KIF15: variants seen among roughly 807,000 people sequenced by gnomAD.
KIF15 encodes the protein kinesin family member 15, also known as kinesin-like protein KIF15.
KIF15 carries 140 observed loss-of-function variants against 190.6 expected under a neutral mutation model. The observed-to-expected ratio is 0.73, with a 90% CI of 0.64 to 0.84. The LOEUF is 0.84. Among genes scored for constraint, KIF15 ranks in the 40% least tolerant of loss-of-function variants. KIF15 has a pLI of 0.00. For synonymous variants in KIF15, 528 were observed against 551.3 expected, an observed-to-expected ratio of 0.96 and a Z score of 0.59; for missense variants, 1,372 against 1,584.4, an observed-to-expected ratio of 0.87 and a Z score of 2.28.
At chr3:44,864,047 C>A in intron 6 of KIF15, 1 of 816,162 alleles carries the variant, frequency 1.2e-6, no homozygotes, top group Non-Finnish European at 1.9e-6. Flanking sequence ...AAGTGAAGCC[C>A]TGTGCAGGAA....
At chr3:44,804,976 C>T in intron 14 of KIF15, 51 bp from the exon 15 acceptor site, 2 of 1,557,312 alleles carry the variant, frequency 1.3e-6, no homozygotes, top group Non-Finnish European at 1.7e-6. Context: ...ATAGTGAGGC[C>T]CTGTCTCAGA....
chr3:44,796,604 T>A (rs961508836), intron 8 of KIF15, among the ~76,000 whole-genome samples: 1 of 152,206 alleles, frequency 6.6e-6, no homozygotes, highest in African/African-American at 2.4e-5. Context: ...CAGCAGTGAC[T>A]CTGAATTCAG....
At chr3:44,800,474 C>A in intron 11 of KIF15, 37 bp downstream of exon 11, 1 of 1,596,308 alleles carries the variant, frequency 6.3e-7, no homozygotes, top group East Asian at 2.2e-5. Context: ...TTGGGGAAGA[C>A]TGTACAAATA....
intron 11 of KIF15, among the ~76,000 whole-genome samples, chr3:44,801,115 C>G (rs564191807): frequency 6.6e-6 from 1 of 150,898 alleles, no homozygotes; most frequent in Non-Finnish European, 1.5e-5. Flanking sequence ...TCAAGCGATT[C>G]TCCTGCCTCA....
At chr3:44,771,034 C>G (rs542547542) in intron 1 of KIF15, among the ~76,000 whole-genome samples, 2 of 152,150 alleles carry the variant, frequency 1.3e-5, no homozygotes, top group Admixed American at 6.5e-5. Context: ...TCTCAATCTC[C>G]AAAGTTATCA....
chr3:44,861,839 G>T, intron 6 of KIF15: 4 of 1,378,656 alleles, frequency 2.9e-6, no homozygotes, highest in Non-Finnish European at 3.9e-6. Flanking sequence ...TCACAGGAGC[G>T]TCGCGTCACG....
chr3:44,794,809 A>G (rs923956829), intron 8 of KIF15, among the ~76,000 whole-genome samples: 4 of 152,052 alleles, frequency 2.6e-5, no homozygotes, highest in Non-Finnish European at 4.4e-5. Flanking sequence ...AAAAAATACA[A>G]AAGTCAGCTG....
chr3:44,789,138 TTC>T (rs2125920286), intron 7 of KIF15, among the ~76,000 whole-genome samples: 1 of 152,328 alleles, frequency 6.6e-6, no homozygotes, highest in African/African-American at 2.4e-5. Context: ...TATCATGCTG[TTC>T]TTTTTCCAAC....
chr3:44,794,307 A>T lies in KIF15; in HGVS notation c.730A>T (p.Ile244Leu). The change falls in exon 8 of 35, where the codon ATA (isoleucine) becomes TTA (leucine). Residue 244 changes from isoleucine (I) to leucine (L), a missense_variant. Coordinates refer to ENST00000326047, the MANE Select transcript of KIF15 (RefSeq NM_020242.3). ...GTCTCATGCCGTCTTTACAATTACAATAGAGTCAATGGAGAAAAGTAATGA... is the reference window on the plus strand; with the variant it reads ...GTCTCATGCCGTCTTTACAATTACATTAGAGTCAATGGAGAAAAGTAATGA... ...SRSHAVFTIT[I>L]ESMEKSNEIV... The T allele has an allele frequency of 6.2e-7, 1 of 1,614,054 alleles. No individual in the cohort carries two copies. The highest frequency in any genetic ancestry group is 8.5e-7 in the Non-Finnish European group (1 of 1,179,928).
rs1346041496 is a variant in KIF15 at position 44,815,054 on chromosome 3, C to A, written c.2527C>A (p.Gln843Lys). 8.1e-6 allele frequency: 13 copies of A among 1,602,120 alleles called. No homozygotes were observed. Among genetic ancestry groups the A allele is most frequent in the Non-Finnish European group, 1.0e-5 (12 of 1,175,652 alleles). ...ACTTTCCGAAAGACACATGCATGTA[C>A]AGCTTCAATTAGATAATCTCAGGTA... is the stretch of plus-strand genomic sequence containing the variant. ...NKLSERHMHVQLQLDNLRLEN... is the reference protein window; with the variant it reads ...NKLSERHMHVKLQLDNLRLEN... The change falls in exon 20 of 35, where the codon CAG becomes AAG. Residue 843 changes from glutamine to lysine, a missense_variant. Coordinates refer to ENST00000326047, the MANE Select transcript of KIF15 (RefSeq NM_020242.3).
chr3:44,826,576 T>C (rs1273909428), intron 22 of KIF15, 116 bp downstream of exon 22: 2 of 697,008 alleles, frequency 2.9e-6, no homozygotes, highest in Non-Finnish European at 4.6e-6. Context: ...TTTAAAGCAT[T>C]CCAAAAGCAA....
intron 1 of KIF15, among the ~76,000 whole-genome samples, chr3:44,765,617 C>A (rs986115779): frequency 7.2e-5 from 11 of 152,184 alleles, no homozygotes; most frequent in Admixed American, 4.6e-4. Context: ...AATTGTCTTA[C>A]AAACTACTTC....
chr3:44,863,616 T>C (rs932922720), intron 6 of KIF15: 6 of 152,676 alleles, frequency 3.9e-5, no homozygotes, highest in African/African-American at 1.4e-4. Context: ...CCTGGCTCTT[T>C]ATCTGTAAAA....
intron 16 of KIF15, among the ~76,000 whole-genome samples, chr3:44,806,431 C>T (rs941069627): frequency 2.2e-4 from 33 of 151,990 alleles, no homozygotes; most frequent in African/African-American, 7.7e-4. Flanking sequence ...GGGCAAAGAC[C>T]GCTAAGGGAT....
chr3:44,767,123 T>A (rs1278614788), intron 1 of KIF15, among the ~76,000 whole-genome samples: 1 of 152,094 alleles, frequency 6.6e-6, no homozygotes, highest in Non-Finnish European at 1.5e-5. Context: ...TTTCTTTTTT[T>A]AAATTTCACC....
chr3:44,827,173 A>G, intron 22 of KIF15: 2 of 391,424 alleles, frequency 5.1e-6, no homozygotes, highest in South Asian at 4.6e-5. Flanking sequence ...GTGGATTTTA[A>G]CTTCTAGCAC....
rs374318420 is a variant in KIF15, at chr3:44,817,673, G to A, written c.2549+2597G>A. Among the ~76,000 whole-genome samples the A allele has an allele frequency of 7.5e-4, 114 of 152,266 alleles. 1 individual carries two copies. In the South Asian group the frequency reaches 0.022, roughly 29 times the overall value. On this transcript the variant is annotated intron_variant, in intron 20 of 34. Transcript: ENST00000326047. Reference sequence around the variant, plus strand: ...GTAGTATAGTTTGAAGTCAGGTAGCGTGATGCCTCCAACTTTGTTCTTTTG... The same window carrying A: ...GTAGTATAGTTTGAAGTCAGGTAGCATGATGCCTCCAACTTTGTTCTTTTG...
At chr3:44,816,040 T>G (rs964756513) in intron 20 of KIF15, among the ~76,000 whole-genome samples, 5 of 152,202 alleles carry the variant, frequency 3.3e-5, no homozygotes, top group African/African-American at 1.2e-4. Flanking sequence ...ATTTTTCTTT[T>G]TTTTTTAAAG....
At chr3:44,855,194 T>C (rs932127578), downstream of KIF15, among the ~76,000 whole-genome samples, 2 of 152,150 alleles carry the variant, frequency 1.3e-5, no homozygotes, top group African/African-American at 4.8e-5. Flanking sequence ...TTAGGAGCAA[T>C]GTTTTGCAGG....
Sources: gnomAD v4.1 joint callset for allele counts (sites outside exome capture counted in the v4.1 genomes callset) on GRCh38, gnomAD v4.1.1 for gene constraint, MANE v1.5 for transcripts, NCBI Gene and HGNC (gene_info 2026-07-23, HGNC 2026-07-21) for gene names.